Variants in WWOX observed in about 807,000 individuals in gnomAD.
WWOX encodes the protein WW domain containing oxidoreductase, also known as WW domain-containing oxidoreductase.
A neutral mutation model predicts 46.2 loss-of-function variants in WWOX; 69 were observed. That is an observed-to-expected ratio of 1.49 (90% CI 1.23 to 1.82). The LOEUF is 1.82. Ranked by LOEUF, WWOX falls within the 40% of genes most tolerant of loss-of-function variation. WWOX has a pLI of 0.00. For synonymous variants in WWOX, 359 were observed against 202.6 expected, an observed-to-expected ratio of 1.77 and a Z score of -6.56; for missense variants, 919 against 542.6, an observed-to-expected ratio of 1.69 and a Z score of -6.89.
rs2044147170 is a variant in WWOX at position 78,550,468 on chromosome 16, G to A, written c.1056+117716G>A. The stretch of plus-strand genomic sequence containing the variant: ...GTGGTAGACTGGATTTAGCTTGTGG[G>A]TTGTAGTTTGCTGGCCTCTGGTCAA... On this transcript the variant is annotated intron_variant, in intron 8 of 8. Coordinates refer to ENST00000566780, the MANE Select transcript of WWOX (RefSeq NM_016373.4). Among the ~76,000 whole-genome samples the A allele has an allele frequency of 2.0e-5, 3 of 152,226 alleles. No homozygotes were observed. The South Asian group carries it at 6.2e-4, about 31-fold the overall frequency.
At chr16:78,739,702 T>C (rs140194385) in intron 8 of WWOX, among the ~76,000 whole-genome samples, 2,377 of 152,194 alleles carry the variant, frequency 0.016, 63 homozygotes, top group African/African-American at 0.054. Flanking sequence ...TCCCAGCTAC[T>C]GCAGAGGCTG....
intron 8 of WWOX, among the ~76,000 whole-genome samples, chr16:78,493,070 G>GC (rs773663817): frequency 1.3e-5 from 2 of 152,142 alleles, no homozygotes; most frequent in Non-Finnish European, 2.9e-5. Context: ...GAACAGACTA[G>GC]CCCCCTGTAC....
At chr16:78,350,107 C>T (rs34221797) in intron 5 of WWOX, among the ~76,000 whole-genome samples, 4,975 of 120,704 alleles carry the variant, frequency 0.041, 1,420 homozygotes, top group Non-Finnish European at 0.053. Context: ...ACCGTGATCT[C>T]CAACAGCTAG....
At chr16:79,130,396 C>A (rs1272300051) in intron 8 of WWOX, among the ~76,000 whole-genome samples, 1 of 152,066 alleles carries the variant, frequency 6.6e-6, no homozygotes. Context: ...ATTATAGGCA[C>A]AAAAGACAGT....
At chr16:78,839,930 G>C (rs2052093246) in intron 8 of WWOX, among the ~76,000 whole-genome samples, 1 of 152,170 alleles carries the variant, frequency 6.6e-6, no homozygotes. Flanking sequence ...GCATTTTCTA[G>C]TTAACCATAT....
chr16:78,917,288 C>A (rs1338600615), intron 8 of WWOX, among the ~76,000 whole-genome samples: 1 of 152,164 alleles, frequency 6.6e-6, no homozygotes, highest in Non-Finnish European at 1.5e-5. Flanking sequence ...TAACTCAAAT[C>A]AGAATTTCGT....
chr16:78,594,429 G>GGCCCCCCCC (rs2045429050), intron 8 of WWOX, among the ~76,000 whole-genome samples: 1 of 32,380 alleles, frequency 3.1e-5, no homozygotes, highest in African/African-American at 1.4e-4. Flanking sequence ...CTGAGGAAAG[G>GGCCCCCCCC]CCCCCCCCCC....
intron 8 of WWOX, among the ~76,000 whole-genome samples, chr16:79,115,630 A>G (rs1010357280): frequency 2.0e-5 from 3 of 152,230 alleles, no homozygotes; most frequent in Non-Finnish European, 2.9e-5. Context: ...ATATGAGAGT[A>G]TATGCATGGA....
At chr16:78,897,352 A>C (rs1248809671) in intron 8 of WWOX, 1 of 151,962 alleles carries the variant, frequency 6.6e-6, no homozygotes, top group Non-Finnish European at 1.5e-5. Context: ...TCCCAGAAAC[A>C]AGCATTCTTG....
At chr16:78,573,006 A>G (rs2044756853) in intron 8 of WWOX, among the ~76,000 whole-genome samples, 1 of 152,152 alleles carries the variant, frequency 6.6e-6, no homozygotes, top group African/African-American at 2.4e-5. Flanking sequence ...AAAAAATTAT[A>G]GCCGGGCACG....
rs116217775 is a variant in WWOX, at chr16:78,476,664, G to A, written c.1056+43912G>A. On this transcript the variant is annotated intron_variant, in intron 8 of 8. Coordinates refer to ENST00000566780, the MANE Select transcript of WWOX (RefSeq NM_016373.4). Reference sequence around the variant, plus strand: ...GCATCGACTTTCGTTTTCATTTCAAGACCCGTCCCCCATGATCACAGAGGA... The same window carrying A: ...GCATCGACTTTCGTTTTCATTTCAAAACCCGTCCCCCATGATCACAGAGGA... 6.1e-3 allele frequency among the ~76,000 whole-genome samples: 924 copies of A among 151,706 alleles called. 11 individuals are homozygous for A. The highest frequency in any genetic ancestry group is 0.021 in the African/African-American group (874 of 41,380).
At chr16:78,276,670 C>A (rs2079584693) in intron 5 of WWOX, among the ~76,000 whole-genome samples, 1 of 152,200 alleles carries the variant, frequency 6.6e-6, no homozygotes, top group East Asian at 1.9e-4. Context: ...TAGCTGTGAT[C>A]TCTCAGTTGC....
At chr16:78,704,035 T>C (rs1411273843) in intron 8 of WWOX, among the ~76,000 whole-genome samples, 1 of 152,124 alleles carries the variant, frequency 6.6e-6, no homozygotes, top group Non-Finnish European at 1.5e-5. Context: ...CCCCTATCCA[T>C]CTCCAAGTGA....
intron 8 of WWOX, among the ~76,000 whole-genome samples, chr16:78,654,639 C>G (rs943259837): frequency 6.8e-6 from 1 of 147,314 alleles, no homozygotes; most frequent in South Asian, 2.1e-4. Flanking sequence ...CTATACCTTT[C>G]TCTCTCTCTC....
At chr16:78,659,369 C>T (rs907654042) in intron 8 of WWOX, among the ~76,000 whole-genome samples, 1 of 152,062 alleles carries the variant, frequency 6.6e-6, no homozygotes, top group African/African-American at 2.4e-5. Flanking sequence ...CAAGCGACAA[C>T]ATCAGGGTCA....
chr16:78,893,390 G>A (rs1250653642), intron 8 of WWOX, among the ~76,000 whole-genome samples: 1 of 152,116 alleles, frequency 6.6e-6, no homozygotes, highest in Non-Finnish European at 1.5e-5. Context: ...CCCCCATTCA[G>A]TATATTTTCT....
chr16:78,631,648 C>T (rs1393328187), intron 8 of WWOX, among the ~76,000 whole-genome samples: 1 of 149,854 alleles, frequency 6.7e-6, no homozygotes, highest in Non-Finnish European at 1.5e-5. Flanking sequence ...AAGAGATATT[C>T]TTGCCTCAGC....
At chr16:78,937,339 G>C (rs2045759546) in intron 8 of WWOX, among the ~76,000 whole-genome samples, 1 of 151,226 alleles carries the variant, frequency 6.6e-6, no homozygotes, top group African/African-American at 2.4e-5. Flanking sequence ...ACAGGTGTCA[G>C]ATTATGCATT....
At chr16:79,117,458 A>G (rs12931629) in intron 8 of WWOX, among the ~76,000 whole-genome samples, 40,996 of 152,102 alleles carry the variant, frequency 0.27, 6,029 homozygotes, top group East Asian at 0.4. Context: ...GAGTAGGTTT[A>G]GCATAATTCT....
Sources: gnomAD v4.1 joint callset for allele counts (sites outside exome capture counted in the v4.1 genomes callset) on GRCh38, gnomAD v4.1.1 for gene constraint, MANE v1.5 for transcripts, NCBI Gene and HGNC (gene_info 2026-07-23, HGNC 2026-07-21) for gene names.